The following MATN2 variants were observed in gnomAD, a reference collection of about 807,000 sequenced individuals.
MATN2 encodes the protein matrilin 2, also known as matrilin-2.
A neutral mutation model predicts 103.2 loss-of-function variants in MATN2; 69 were observed. That is an observed-to-expected ratio of 0.67 (90% CI 0.55 to 0.82). The LOEUF is 0.82. MATN2 is among the 40% of genes least tolerant of loss of function. The pLI is 0.00. For synonymous variants in MATN2, 429 were observed against 450.2 expected (o/e 0.95, Z 0.60); for missense variants, 1,023 against 1,211.5 (o/e 0.84, Z 2.31).
chr8:98,002,541 A>G (rs1812823811), intron 7 of MATN2, among the ~76,000 whole-genome samples: 1 of 152,220 alleles, frequency 6.6e-6, no homozygotes, highest in African/African-American at 2.4e-5. Context: ...TGAGAGAGAT[A>G]CTGGATTTTC....
chr8:97,891,554 T>G (rs1818630147), intron 2 of MATN2, among the ~76,000 whole-genome samples: 1 of 152,068 alleles, frequency 6.6e-6, no homozygotes, highest in South Asian at 2.1e-4. Context: ...TCCAGGCTGA[T>G]CTTGAACTCC....
At chr8:97,898,631 G>A (rs1242716244) in intron 2 of MATN2, among the ~76,000 whole-genome samples, 4 of 150,950 alleles carry the variant, frequency 2.6e-5, no homozygotes, top group Non-Finnish European at 4.4e-5. Context: ...GTGATGACAA[G>A]CCACCATGTG....
chr8:97,998,519 C>CAA (rs58751449), intron 7 of MATN2, among the ~76,000 whole-genome samples: 50 of 111,174 alleles, frequency 4.5e-4, no homozygotes, highest in South Asian at 3.4e-3. Context: ...GACTCTGTCT[C>CAA]AAAAAAAAAA....
chr8:97,958,876 A>G (rs929048018), intron 4 of MATN2, among the ~76,000 whole-genome samples: 4 of 152,064 alleles, frequency 2.6e-5, no homozygotes, highest in Non-Finnish European at 5.9e-5. Context: ...TCTGGTGTCA[A>G]TGGTCTTTCC....
intron 7 of MATN2, among the ~76,000 whole-genome samples, chr8:97,996,456 C>G (rs1477755267): frequency 6.6e-6 from 1 of 152,206 alleles, no homozygotes; most frequent in East Asian, 1.9e-4. Context: ...TGGCCCCGAC[C>G]AGAGTCCCTA....
At chr8:97,887,196 T>A (rs563195487) in intron 1 of MATN2, among the ~76,000 whole-genome samples, 9 of 152,276 alleles carry the variant, frequency 5.9e-5, no homozygotes, top group African/African-American at 1.9e-4. Context: ...CTGGACTTTT[T>A]TAACTTTTTA....
Position 97,886,588 on chromosome 8 carries a change from A to C in MATN2, c.-26-1487A>C, listed in dbSNP as rs546934217. On this transcript the variant is annotated intron_variant, in intron 1 of 18. Coordinates refer to ENST00000254898, the MANE Select transcript of MATN2 (RefSeq NM_002380.5). ...TTTAATATAATCTTAATGCATAGTAAAATTATATTAAAAAGAGTGAGCTAG... is the reference window on the plus strand; with the variant it reads ...TTTAATATAATCTTAATGCATAGTACAATTATATTAAAAAGAGTGAGCTAG... Among the ~76,000 whole-genome samples, 50 of 152,370 alleles carry C rather than the reference A, an allele frequency of 3.3e-4. 3 individuals are homozygous for C. The highest frequency in any genetic ancestry group is 1.2e-3 in the African/African-American group (48 of 41,588).
chr8:97,990,520 G>A (rs1209306283), intron 6 of MATN2, among the ~76,000 whole-genome samples: 2 of 152,236 alleles, frequency 1.3e-5, no homozygotes, highest in African/African-American at 4.8e-5. Flanking sequence ...TTGTGCATTA[G>A]TGTTCATAGC....
At chr8:98,013,792 T>C (rs1342323564) in intron 10 of MATN2, among the ~76,000 whole-genome samples, 1 of 152,224 alleles carries the variant, frequency 6.6e-6, no homozygotes, top group Admixed American at 6.5e-5. Flanking sequence ...CTTCACATTG[T>C]ACATAAAACT....
chr8:98,027,987 A>G (rs1813874442), intron 14 of MATN2, among the ~76,000 whole-genome samples, 158 bp downstream of exon 14: 6 of 152,180 alleles, frequency 3.9e-5, no homozygotes, highest in Admixed American at 3.9e-4. Context: ...GCCACCTAGA[A>G]GCCTTAACAG....
chr8:98,032,452 A>C (rs2130458739), intron 16 of MATN2, 135 bp downstream of exon 16: 1 of 665,990 alleles, frequency 1.5e-6, no homozygotes, highest in East Asian at 2.8e-5. Context: ...CCTCAAAAAG[A>C]TAGTTAACAT....
intron 2 of MATN2, among the ~76,000 whole-genome samples, chr8:97,904,405 G>C (rs758191627): frequency 1.3e-5 from 2 of 152,144 alleles, no homozygotes; most frequent in Non-Finnish European, 2.9e-5. Context: ...ATAATACTGA[G>C]CTGTGTTTTA....
intron 10 of MATN2, among the ~76,000 whole-genome samples, chr8:98,009,034 C>T (rs1464317286): frequency 2.0e-5 from 3 of 152,156 alleles, no homozygotes; most frequent in African/African-American, 7.2e-5. Context: ...GGGTTTCTAA[C>T]CAATGGCACA....
intron 4 of MATN2, among the ~76,000 whole-genome samples, chr8:97,949,112 C>T (rs1056650644): frequency 1.3e-5 from 2 of 151,114 alleles, no homozygotes; most frequent in African/African-American, 4.9e-5. Flanking sequence ...TGAAGAAGCA[C>T]ATGAAGAGAT....
At chr8:97,953,129 C>A (rs1227828258) in intron 4 of MATN2, among the ~76,000 whole-genome samples, 1 of 151,262 alleles carries the variant, frequency 6.6e-6, no homozygotes, top group Non-Finnish European at 1.5e-5. Flanking sequence ...CGTTCTGTTG[C>A]CCAGGCTGGT....
chr8:98,010,413 T>C (rs76523433), intron 10 of MATN2, among the ~76,000 whole-genome samples: 1,594 of 152,256 alleles, frequency 0.01, 18 homozygotes, highest in African/African-American at 0.036. Flanking sequence ...ATCGTGTCGC[T>C]TCTACCCTAG....
chr8:97,994,068 G>C (rs61512155), intron 6 of MATN2, among the ~76,000 whole-genome samples: 2 of 139,496 alleles, frequency 1.4e-5, no homozygotes, highest in African/African-American at 5.3e-5. Flanking sequence ...AAGAAAGAAA[G>C]AAAGAAAAAG....
rs761061559 is a variant in MATN2 at position 97,926,768 on chromosome 8, G to A, written c.143-4185G>A. On this transcript the variant is annotated intron_variant, in intron 2 of 18. Coordinates refer to ENST00000254898, the MANE Select transcript of MATN2 (RefSeq NM_002380.5). ...ATCTCCTCTAGAACATTTTGGCTTC[G>A]TGCTTGTCATCATCTTTTTGTACTA... Among the ~76,000 whole-genome samples the A allele has an allele frequency of 1.4e-4, 21 of 152,262 alleles. 1 individual carries two copies. The highest frequency in any genetic ancestry group is 6.8e-3 in the Middle Eastern group (2 of 294).
chr8:97,940,884 C>A (rs1442800362), intron 3 of MATN2, among the ~76,000 whole-genome samples: 1 of 151,972 alleles, frequency 6.6e-6, no homozygotes, highest in Non-Finnish European at 1.5e-5. Flanking sequence ...AGAGGGCAGG[C>A]GTGGTGGCTT....
Sources: gnomAD v4.1 joint callset for allele counts (sites outside exome capture counted in the v4.1 genomes callset) on GRCh38, gnomAD v4.1.1 for gene constraint, MANE v1.5 for transcripts, NCBI Gene and HGNC (gene_info 2026-07-23, HGNC 2026-07-21) for gene names.